FRMD4A: variants seen among roughly 807,000 people sequenced by gnomAD.
The protein encoded by FRMD4A is FERM domain containing 4A, also known as FERM domain-containing protein 4A.
FRMD4A carries 29 observed loss-of-function variants against 129.1 expected under a neutral mutation model. The ratio of observed to expected loss-of-function variants is 0.22; its 90% CI spans 0.17 to 0.31. The LOEUF is 0.31. Among genes scored for constraint, FRMD4A ranks in the 10% least tolerant of loss-of-function variants. FRMD4A has a pLI of 1.00. For missense variants in FRMD4A, 1,272 were observed against 1,375.8 expected, an observed-to-expected ratio of 0.92 and a Z score of 1.19; for synonymous variants, 634 against 571.6, an observed-to-expected ratio of 1.11 and a Z score of -1.56.
At chr10:13,738,478 G>A (rs74901220) in intron 11 of FRMD4A, among the ~76,000 whole-genome samples, 4,449 of 152,282 alleles carry the variant, frequency 0.029, 113 homozygotes, top group African/African-American at 0.066. Context: ...GGGAGCACAG[G>A]CTGGAAGGTG....
At chr10:13,678,713 G>GT (rs1320931566) in intron 15 of FRMD4A, among the ~76,000 whole-genome samples, 2 of 152,214 alleles carry the variant, frequency 1.3e-5, no homozygotes, top group African/African-American at 4.8e-5. Flanking sequence ...CCAATTCAGT[G>GT]TAACACTTGA....
chr10:13,910,527 G>A (rs1221559230), intron 2 of FRMD4A, among the ~76,000 whole-genome samples: 1 of 152,192 alleles, frequency 6.6e-6, no homozygotes, highest in Non-Finnish European at 1.5e-5. Flanking sequence ...TTTTGCGATG[G>A]TTTGTTACTT....
intron 2 of FRMD4A, among the ~76,000 whole-genome samples, chr10:14,052,274 A>G (rs4748086): frequency 0.93 from 142,214 of 152,254 alleles, 66,620 homozygotes; most frequent in Middle Eastern, 0.98. Flanking sequence ...GTTGTCTTAA[A>G]CTACCTGGTT....
chr10:13,703,911 AG>A (rs2087126048), intron 13 of FRMD4A, among the ~76,000 whole-genome samples: 1 of 152,172 alleles, frequency 6.6e-6, no homozygotes, highest in Non-Finnish European at 1.5e-5. Context: ...AGGCTGAGGC[AG>A]GAGAATTGCT....
At chr10:13,777,784 T>A (rs978272873) in intron 6 of FRMD4A, among the ~76,000 whole-genome samples, 1 of 145,966 alleles carries the variant, frequency 6.9e-6, no homozygotes, top group South Asian at 2.2e-4. Flanking sequence ...AAGTAGGCTT[T>A]GGGTCAATTT....
At chr10:14,183,567 T>C (rs1462773417) in intron 2 of FRMD4A, among the ~76,000 whole-genome samples, 1 of 152,140 alleles carries the variant, frequency 6.6e-6, no homozygotes, top group African/African-American at 2.4e-5. Context: ...TAAATTTCCT[T>C]GGCCAGCTTC....
intron 3 of FRMD4A, among the ~76,000 whole-genome samples, chr10:13,856,001 C>T (rs1437026508): frequency 6.8e-6 from 1 of 146,310 alleles, no homozygotes; most frequent in African/African-American, 2.7e-5. Flanking sequence ...ATTTAGCTTA[C>T]CACACACAAA....
At chr10:14,165,388 A>T (rs1282381004) in intron 2 of FRMD4A, among the ~76,000 whole-genome samples, 1 of 152,226 alleles carries the variant, frequency 6.6e-6, no homozygotes, top group African/African-American at 2.4e-5. Context: ...TGAGGGAAAA[A>T]ATGGAATGCC....
intron 2 of FRMD4A, among the ~76,000 whole-genome samples, chr10:14,145,558 A>C (rs1215698961): frequency 2.0e-5 from 3 of 152,190 alleles, no homozygotes; most frequent in African/African-American, 7.2e-5. Context: ...CAAATGATTT[A>C]AAAATCATGA....
At chr10:13,694,843 TAAA>T (rs5783342) in intron 14 of FRMD4A, among the ~76,000 whole-genome samples, 4 of 149,860 alleles carry the variant, frequency 2.7e-5, no homozygotes, top group Admixed American at 1.3e-4. Context: ...CCCTGTCTCT[TAAA>T]AAAAAAAAAG....
chr10:14,008,318 T>A (rs2095669823), intron 2 of FRMD4A: 1 of 1,040,224 alleles, frequency 9.6e-7, no homozygotes, highest in Non-Finnish European at 1.2e-6. Flanking sequence ...ACCATCTGAG[T>A]CAAGATGTGG....
chr10:14,121,866 C>T (rs1338432621), intron 2 of FRMD4A, among the ~76,000 whole-genome samples: 3 of 152,202 alleles, frequency 2.0e-5, no homozygotes. Flanking sequence ...TAACAAGTTA[C>T]TTACACTCCT....
chr10:14,223,763 A>AG (rs1554788627), intron 2 of FRMD4A, among the ~76,000 whole-genome samples: 23 of 125,210 alleles, frequency 1.8e-4, no homozygotes, highest in Non-Finnish European at 2.7e-4. Flanking sequence ...AAAAAAAAAA[A>AG]AGAGAGAGAG....
chr10:14,298,839 G>T (rs1195681537), intron 2 of FRMD4A, among the ~76,000 whole-genome samples: 1 of 152,220 alleles, frequency 6.6e-6, no homozygotes, highest in East Asian at 1.9e-4. Flanking sequence ...GGACACTCGA[G>T]TGAGGCAGGA....
At chr10:13,869,213 C>T (rs996006685) in intron 2 of FRMD4A, among the ~76,000 whole-genome samples, 2 of 152,136 alleles carry the variant, frequency 1.3e-5, no homozygotes, top group Admixed American at 6.5e-5. Flanking sequence ...TACAGGGCAG[C>T]GTGTCAGAAA....
intron 2 of FRMD4A, among the ~76,000 whole-genome samples, chr10:14,284,683 A>G (rs1432838531): frequency 6.6e-6 from 1 of 152,192 alleles, no homozygotes. Context: ...GTTGCAGTCT[A>G]AAAACATTAA....
chr10:13,932,126 A>AT (rs1291349885), intron 2 of FRMD4A, among the ~76,000 whole-genome samples: 1 of 152,208 alleles, frequency 6.6e-6, no homozygotes, highest in African/African-American at 2.4e-5. Flanking sequence ...CTGAGAAAAC[A>AT]TTTTTGTCCA....
intron 2 of FRMD4A, among the ~76,000 whole-genome samples, chr10:14,289,524 G>C (rs1845785290): frequency 6.6e-6 from 1 of 151,896 alleles, no homozygotes; most frequent in Admixed American, 6.6e-5. Flanking sequence ...ATATATTTTG[G>C]ATTTTAATCC....
intron 2 of FRMD4A, among the ~76,000 whole-genome samples, chr10:13,914,641 A>G (rs1380968277): frequency 6.6e-6 from 1 of 152,202 alleles, no homozygotes; most frequent in East Asian, 1.9e-4. Flanking sequence ...GATGGATTTA[A>G]CAATGTGGAA....
Sources: gnomAD v4.1 joint callset for allele counts (sites outside exome capture counted in the v4.1 genomes callset) on GRCh38, gnomAD v4.1.1 for gene constraint, MANE v1.5 for transcripts, NCBI Gene and HGNC (gene_info 2026-07-23, HGNC 2026-07-21) for gene names.